The following NECAB3 variants were observed in gnomAD, a reference collection of about 807,000 sequenced individuals.
The protein encoded by NECAB3 is N-terminal EF-hand calcium binding protein 3, also known as N-terminal EF-hand calcium-binding protein 3.
A neutral mutation model predicts 57.2 loss-of-function variants in NECAB3; 38 were observed. The observed-to-expected ratio is 0.66, with a 90% CI of 0.51 to 0.87. NECAB3 has a LOEUF of 0.87. NECAB3 is among the 40% of genes least tolerant of loss of function. The pLI is 0.00. For missense variants in NECAB3, 474 were observed against 527.5 expected, an observed-to-expected ratio of 0.90 and a Z score of 0.99; for synonymous variants, 223 against 222.6, an observed-to-expected ratio of 1.00 and a Z score of -0.02.
At position 33,661,048 on chromosome 20, in the gene NECAB3, C is replaced by T. The variant is rs138320208; in HGVS notation, c.388-653G>A. Among the ~76,000 whole-genome samples, 533 of 152,318 alleles carry T rather than the reference C, an allele frequency of 3.5e-3. 4 individuals carry two copies. The highest frequency in any genetic ancestry group is 0.012 in the African/African-American group (510 of 41,562). The stretch of plus-strand genomic sequence containing the variant: ...GGCCCAGCATGGGATTCTGAGGCTC[C>T]TCAACAACCGTCAGTTCCTGGAGCT... On this transcript the variant is annotated intron_variant, in intron 5 of 11. Transcript: ENST00000246190.
rs776656955 is a variant in NECAB3 at position 33,658,512 on chromosome 20, C to T, written c.1035G>A (p.Leu345=). The change falls in exon 10 of 12, where the codon CTG becomes CTA. Residue 345 remains leucine, a synonymous_variant. Coordinates refer to ENST00000246190, the MANE Select transcript of NECAB3 (RefSeq NM_031232.4). ...AGGCCTCATCCTGCCAGAACTCATA[C>T]AGGGTGAAGGAGGCACCGTCCAGCA... is the stretch of plus-strand genomic sequence containing the variant. ...QKMLDGASFT[L]YEFWQDEASW... 1.2e-6 allele frequency: 2 copies of T among 1,613,954 alleles called. No individual in the cohort carries two copies. Among genetic ancestry groups the T allele is most frequent in the Middle Eastern group, 1.6e-4 (1 of 6,084 alleles).
At position 33,667,598 on chromosome 20, in the gene NECAB3, C is replaced by A. The variant is rs770199004; in HGVS notation, c.387+1777G>T. On this transcript the variant is annotated intron_variant, in intron 5 of 11. Coordinates refer to ENST00000246190, the MANE Select transcript of NECAB3 (RefSeq NM_031232.4). ...GTGTGCCACGCCACGCCCATCTACG[C>A]GGGTCACTCGTGGCACCAGGCCACC... 17 of 1,581,020 alleles carry A rather than the reference C, an allele frequency of 1.1e-5. No homozygotes were observed. The highest frequency in any genetic ancestry group is 1.5e-5 in the Non-Finnish European group (17 of 1,166,510).
intron 5 of NECAB3, chr20:33,667,795 C>G (rs1172959240): frequency 6.2e-7 from 1 of 1,612,454 alleles, no homozygotes; most frequent in Non-Finnish European, 8.5e-7. Context: ...CGACCCCGCC[C>G]GCCACCATCC....
At chr20:33,659,003 C>T (rs937071903) in intron 8 of NECAB3, among the ~76,000 whole-genome samples, 169 bp from the exon 9 acceptor site, 43 of 152,168 alleles carry the variant, frequency 2.8e-4, no homozygotes, top group African/African-American at 9.7e-4. Flanking sequence ...CGGCTTACTG[C>T]AGCTTCTATC....
chr20:33,662,512 G>A (rs1382968644), intron 5 of NECAB3: 8 of 1,543,352 alleles, frequency 5.2e-6, no homozygotes, highest in Admixed American at 2.0e-5. Flanking sequence ...GGAGGCAGCT[G>A]GGGGGCAGAG....
intron 1 of NECAB3, among the ~76,000 whole-genome samples, chr20:33,673,168 C>T (rs1249492815): frequency 6.6e-6 from 1 of 152,110 alleles, no homozygotes; most frequent in Non-Finnish European, 1.5e-5. Context: ...CAAGACAGGT[C>T]CCCGTCTCTC....
intron 5 of NECAB3, among the ~76,000 whole-genome samples, chr20:33,661,102 G>T (rs938442170): frequency 6.6e-6 from 1 of 152,228 alleles, no homozygotes; most frequent in African/African-American, 2.4e-5. Context: ...AAACAGGAAA[G>T]ATGAAACTCA....
Position 33,659,733 on chromosome 20 carries a change from C to G in NECAB3, c.644-1G>C, listed in dbSNP as rs1568892078. 2.5e-6 allele frequency: 4 copies of G among 1,592,282 alleles called. No homozygotes were observed. The highest frequency in any genetic ancestry group is 2.6e-6 in the Non-Finnish European group (3 of 1,172,830). ...TGCATCTCGGCCTCTGAGCTGCGCC[C>G]TGTGTGTGGGGCCCGTGCAGGGTCA... is the stretch of plus-strand genomic sequence containing the variant. On this transcript the variant is annotated splice_acceptor_variant, in intron 7 of 11. Coordinates refer to ENST00000246190, the MANE Select transcript of NECAB3 (RefSeq NM_031232.4). LOFTEE classifies it high-confidence loss of function.
At chr20:33,672,206 C>T (rs1601176940) in intron 2 of NECAB3, 192 bp downstream of exon 2, 2 of 664,116 alleles carry the variant, frequency 3.0e-6, no homozygotes, top group Non-Finnish European at 5.2e-6. Context: ...CACATTCTCT[C>T]CACTCTCCAT....
At chr20:33,663,269 T>C (rs1568895691) in intron 5 of NECAB3, 2 of 541,452 alleles carry the variant, frequency 3.7e-6, no homozygotes, top group Non-Finnish European at 6.5e-6. Context: ...TAGACGGAGC[T>C]GGTCTCAGGA....
chr20:33,658,525 G>T lies in NECAB3; in HGVS notation c.1022C>A (p.Ala341Asp), dbSNP rs756792097. The T allele has an allele frequency of 4.3e-6, 7 of 1,614,036 alleles. No individual in the cohort carries two copies. The South Asian group carries it at 7.7e-5, about 18-fold the overall frequency. ...CCAGAACTCATACAGGGTGAAGGAG[G>T]CACCGTCCAGCATCTTCTGGGCGGA... The part of the protein sequence containing the change: ...HVSAQKMLDG[A>D]SFTLYEFWQD... Residue 341 changes from alanine (A) to aspartate (D), a missense_variant, in exon 10 of 12, where the codon GCC becomes GAC. Transcript: ENST00000246190.
In NECAB3 at chr20:33,659,398, C is replaced by T. The variant is rs891102742; in HGVS notation, c.879+99G>A. ...CAGGCCTGGGGGCGGGGCACATGCG[C>T]ACTGCAGAGGGTTGGTGGGCAACCG... On this transcript the variant is annotated intron_variant, in intron 8 of 11. Transcript: ENST00000246190. The T allele has an allele frequency of 9.3e-6, 10 of 1,076,582 alleles. No homozygotes were observed. In the South Asian group the frequency reaches 1.8e-4, roughly 20 times the overall value. The allele number at this position is 1,076,582 out of a possible 1,614,324, so 66.7% of individuals were successfully genotyped here.
chr20:33,671,342 A>G (rs754217221), intron 2 of NECAB3, among the ~76,000 whole-genome samples: 41 of 152,136 alleles, frequency 2.7e-4, no homozygotes, highest in Non-Finnish European at 4.6e-4. Flanking sequence ...ATGTGGGACA[A>G]AGACATGGGA....
Position 33,660,419 on chromosome 20 carries a change from A to G in NECAB3, c.388-24T>C. ...TCCTGTGGGCCAAGGAGGGACGGTCAGCATCTCCCAGCCCGGGCACTGATC... is the reference window on the plus strand; with the variant it reads ...TCCTGTGGGCCAAGGAGGGACGGTCGGCATCTCCCAGCCCGGGCACTGATC... On this transcript the variant is annotated intron_variant, in intron 5 of 11. Coordinates refer to ENST00000246190, the MANE Select transcript of NECAB3 (RefSeq NM_031232.4). The surrounding 1 kb of genome is among the most constrained non-coding windows in gnomAD (Gnocchi z 4.1). 6.2e-7 allele frequency: 1 copy of G among 1,609,060 alleles called. No homozygotes were observed. The highest frequency in any genetic ancestry group is 8.5e-7 in the Non-Finnish European group (1 of 1,176,692).
In NECAB3 at chr20:33,674,410, G is replaced by A. The variant is rs912841503; in HGVS notation, c.-58C>T. The A allele has an allele frequency of 3.2e-5, 36 of 1,112,742 alleles. No individual in the cohort carries two copies. Among genetic ancestry groups the A allele is most frequent in the Admixed American group, 2.5e-4 (5 of 19,892 alleles). The allele number at this position is 1,112,742 out of a possible 1,614,324, so 68.9% of individuals were successfully genotyped here. ...TGCTGCCGACCCTGGACGCCGCGGCGGACTCGGTGTGGCTAGAGGCCGCCC... is the reference window on the plus strand; with the variant it reads ...TGCTGCCGACCCTGGACGCCGCGGCAGACTCGGTGTGGCTAGAGGCCGCCC... On this transcript the variant is annotated 5_prime_UTR_variant, in exon 1 of 12. Coordinates refer to ENST00000246190, the MANE Select transcript of NECAB3 (RefSeq NM_031232.4).
At position 33,662,132 on chromosome 20, in the gene NECAB3, T is replaced by C. The variant is rs73622525; in HGVS notation, c.388-1737A>G. On this transcript the variant is annotated intron_variant, in intron 5 of 11. Coordinates refer to ENST00000246190, the MANE Select transcript of NECAB3 (RefSeq NM_031232.4). ...TTCACCACTAAGCACCTTACATGCA[T>C]TGCCTCATTTATGATCATTAGCCCA... The C allele has an allele frequency of 1.2e-4, 69 of 578,546 alleles. 1 individual carries two copies. The East Asian group carries it at 2.2e-3, about 18-fold the overall frequency. The allele number at this position is 578,546 out of a possible 1,614,324, so 35.8% of individuals were successfully genotyped here. A position where few individuals can be genotyped will look rare whatever the true frequency, so the allele number is the denominator to read the frequency against.
intron 2 of NECAB3, among the ~76,000 whole-genome samples, chr20:33,671,650 T>C (rs1329087633): frequency 6.6e-6 from 1 of 152,198 alleles, no homozygotes; most frequent in African/African-American, 2.4e-5. Flanking sequence ...CAGGGCACAG[T>C]GGGCTGCTCC....
At chr20:33,667,695 C>T in intron 5 of NECAB3, 2 of 1,612,148 alleles carry the variant, frequency 1.2e-6, no homozygotes, top group Middle Eastern at 1.6e-4. Context: ...CGAACCCTGA[C>T]CTCTTGCAGC....
In NECAB3 at chr20:33,669,438, C is replaced by G; in HGVS notation, c.324G>C (p.Pro108=). ...TCAGCGATTCCAATGCAGCCAGCACCGGCCGGTAGACACCCAGGTGCTCTG... is the reference window on the plus strand; with the variant it reads ...TCAGCGATTCCAATGCAGCCAGCACGGGCCGGTAGACACCCAGGTGCTCTG... ...YFSEHLGVYR[P]VLAALESLNR... Residue 108 remains proline (P), a synonymous_variant, in exon 5 of 12, where the codon CCG becomes CCC. Coordinates refer to ENST00000246190, the MANE Select transcript of NECAB3 (RefSeq NM_031232.4). The G allele has an allele frequency of 5.0e-6, 8 of 1,613,760 alleles. No individual in the cohort carries two copies. Among genetic ancestry groups the G allele is most frequent in the Non-Finnish European group, 6.8e-6 (8 of 1,180,028 alleles).
Sources: allele counts gnomAD v4.1 joint callset (sites outside exome capture counted in the v4.1 genomes callset), GRCh38; gene constraint gnomAD v4.1.1; non-coding constraint Gnocchi (gnomAD v3.1); transcripts MANE v1.5; gene names NCBI Gene and HGNC (gene_info 2026-07-23, HGNC 2026-07-21).